SLC25A18: variants seen among roughly 807,000 people sequenced by gnomAD.
The protein encoded by SLC25A18 is mitochondrial glutamate carrier 2.
In SLC25A18, 24 loss-of-function variants were observed where a neutral mutation model predicts 31.1. The observed-to-expected ratio is 0.77, with a 90% CI of 0.56 to 1.08. The LOEUF (loss-of-function observed/expected upper bound fraction) is 1.08, where lower values mean the gene tolerates loss of function less well. SLC25A18 is among the 50% of genes least tolerant of loss of function. SLC25A18 has a pLI of 0.00. For missense variants in SLC25A18, 371 were observed against 418.5 expected (o/e 0.89, Z 0.99); for synonymous variants, 173 against 161.9 (o/e 1.07, Z -0.52).
At chr22:17,582,766 G>A in intron 6 of SLC25A18, 113 bp downstream of exon 6, 2 of 882,342 alleles carry the variant, frequency 2.3e-6, no homozygotes, top group Non-Finnish European at 3.6e-6. Flanking sequence ...ATATAAATAT[G>A]TGCACACATG....
intron 4 of SLC25A18, 36 bp from the exon 5 acceptor site, chr22:17,581,322 C>T (rs2057367560): frequency 1.9e-6 from 3 of 1,612,962 alleles, no homozygotes; most frequent in Middle Eastern, 1.7e-4. Flanking sequence ...GGGAGGCCCG[C>T]TGCACACTTA....
chr22:17,581,749 GC>G (rs1344788399), intron 5 of SLC25A18: 1 of 308,372 alleles, frequency 3.2e-6, no homozygotes, highest in Non-Finnish European at 6.0e-6. Flanking sequence ...GTTCTGGGTG[GC>G]TCCTCCCCAG....
At chr22:17,580,558 C>G (rs1207764087) in intron 3 of SLC25A18, 7 of 990,016 alleles carry the variant, frequency 7.1e-6, no homozygotes, top group Non-Finnish European at 7.2e-6. Flanking sequence ...GCATTCCCCC[C>G]CAGGCACGGT....
Position 17,590,420 on chromosome 22 carries a change from C to A in SLC25A18, c.*184C>A, listed in dbSNP as rs541208483. 1 of 641,544 alleles carries A rather than the reference C, an allele frequency of 1.6e-6. No homozygotes were observed. Among genetic ancestry groups the A allele is most frequent in the South Asian group, 2.8e-5 (1 of 35,910 alleles). The allele number at this position is 641,544 out of a possible 1,614,324, so 39.7% of individuals were successfully genotyped here. A position where few individuals can be genotyped will look rare whatever the true frequency, so the allele number is the denominator to read the frequency against. On this transcript the variant is annotated 3_prime_UTR_variant, in exon 11 of 11. Coordinates refer to ENST00000327451, the MANE Select transcript of SLC25A18 (RefSeq NM_031481.3). ...AGTTGAGCACAGCCTTCTTCCCCTT[C>A]GTGTCTACACTCGTTTTCCTTTGTG...
chr22:17,564,885 A>G (rs1190257468), intron 1 of SLC25A18, among the ~76,000 whole-genome samples: 3 of 131,756 alleles, frequency 2.3e-5, no homozygotes, highest in South Asian at 5.1e-4. Flanking sequence ...CCCAGGCAAC[A>G]TAATGAGGCC....
At chr22:17,586,001 T>C (rs2057539925) in intron 7 of SLC25A18, among the ~76,000 whole-genome samples, 1 of 152,102 alleles carries the variant, frequency 6.6e-6, no homozygotes, top group African/African-American at 2.4e-5. Context: ...ATGAGTAATA[T>C]TGAACTTATC....
At chr22:17,568,748 A>T (rs1446207738) in intron 1 of SLC25A18, among the ~76,000 whole-genome samples, 1 of 150,976 alleles carries the variant, frequency 6.6e-6, no homozygotes, top group Non-Finnish European at 1.5e-5. Context: ...TTTTTAGTAG[A>T]AACAGGGTTT....
rs770975904 is a variant in SLC25A18 at position 17,590,205 on chromosome 22, T to A, written c.917T>A (p.Ile306Asn). 6.2e-7 allele frequency: 1 copy of A among 1,614,212 alleles called. No homozygotes were observed. Among genetic ancestry groups the A allele is most frequent in the Middle Eastern group, 1.6e-4 (1 of 6,062 alleles). Residue 306 changes from isoleucine to asparagine, a missense_variant, in exon 11 of 11, where the codon ATT (isoleucine) becomes AAT (asparagine). Ile to Asn is a moderately radical substitution (Grantham distance 149, BLOSUM62 -3). Coordinates refer to ENST00000327451, the MANE Select transcript of SLC25A18 (RefSeq NM_031481.3). The stretch of plus-strand genomic sequence containing the variant: ...GCTCAAGGGGTCTATTTTATTGGGA[T>A]TGGAGAGCGCATCTTAAAGTGTTTT... ...GIAQGVYFIG[I>N]GERILKCFD
At chr22:17,569,013 T>A (rs1008777579) in intron 1 of SLC25A18, among the ~76,000 whole-genome samples, 2 of 138,150 alleles carry the variant, frequency 1.4e-5, no homozygotes, top group South Asian at 2.3e-4. Context: ...TCTTCTTTAC[T>A]TTTTTTTTTT....
intron 1 of SLC25A18, among the ~76,000 whole-genome samples, chr22:17,568,647 T>C (rs1325524534): frequency 1.5e-5 from 2 of 135,438 alleles, no homozygotes; most frequent in Non-Finnish European, 3.1e-5. Context: ...CTGCAAGCTC[T>C]GCGTCCCGGA....
chr22:17,573,013 TGA>T (rs1278775370), intron 2 of SLC25A18, among the ~76,000 whole-genome samples: 1 of 152,056 alleles, frequency 6.6e-6, no homozygotes, highest in Non-Finnish European at 1.5e-5. Context: ...CCCAGGAGGC[TGA>T]GGCGGGAGGA....
At chr22:17,565,567 A>C (rs966158486) in intron 1 of SLC25A18, among the ~76,000 whole-genome samples, 1 of 151,580 alleles carries the variant, frequency 6.6e-6, no homozygotes, top group Non-Finnish European at 1.5e-5. Context: ...TTTTTGAGTA[A>C]TTTTTTAAAA....
At chr22:17,580,412 A>T in intron 3 of SLC25A18, 1 of 470,794 alleles carries the variant, frequency 2.1e-6, no homozygotes, top group Non-Finnish European at 2.8e-6. Flanking sequence ...CAAAGCTCCT[A>T]TACCCAGCAG....
intron 8 of SLC25A18, 82 bp downstream of exon 8, chr22:17,587,383 CTG>C: frequency 6.8e-7 from 1 of 1,477,550 alleles, no homozygotes; most frequent in Non-Finnish European, 9.0e-7. Context: ...CTATCTGCCT[CTG>C]TGTCCTTCCC....
chr22:17,577,288 C>T (rs112510258), intron 2 of SLC25A18, among the ~76,000 whole-genome samples: 6 of 152,114 alleles, frequency 3.9e-5, no homozygotes, highest in African/African-American at 1.4e-4. Context: ...TCCCAAAGTG[C>T]TGGGATTATA....
intron 1 of SLC25A18, among the ~76,000 whole-genome samples, chr22:17,566,138 C>T (rs576794877): frequency 1.3e-5 from 2 of 152,296 alleles, no homozygotes; most frequent in Non-Finnish European, 2.9e-5. Context: ...GGGTGTGACA[C>T]GGCACTGCAC....
intron 3 of SLC25A18, chr22:17,580,677 T>G: frequency 9.6e-7 from 1 of 1,037,150 alleles, no homozygotes; most frequent in Non-Finnish European, 1.2e-6. Context: ...TCAGTCCGTT[T>G]GTGTGAGAAC....
Position 17,590,155 on chromosome 22 carries a change from G to A in SLC25A18, c.867G>A (p.Leu289=). ...AFMKGAGCRA[L]VIAPLFGIAQ... ...TGAAAGGCGCTGGCTGCCGGGCACT[G>A]GTCATAGCACCTCTCTTTGGGATTG... The change falls in exon 11 of 11, where the codon CTG becomes CTA. Residue 289 remains leucine (L), a synonymous_variant. Coordinates refer to ENST00000327451, the MANE Select transcript of SLC25A18 (RefSeq NM_031481.3). 6.2e-7 allele frequency: 1 copy of A among 1,614,216 alleles called. No homozygotes were observed. The highest frequency in any genetic ancestry group is 1.1e-5 in the South Asian group (1 of 91,076).
rs980129430 is a variant in SLC25A18 at position 17,577,401 on chromosome 22, G to A, written c.-200-2344G>A. Among the ~76,000 whole-genome samples, 8 of 150,382 alleles carry A rather than the reference G, an allele frequency of 5.3e-5. No homozygotes were observed. The East Asian group carries it at 6.1e-4, about 11-fold the overall frequency. ...TCAAACTCCTGACGTCAGGTGATCCGCCCGCCTCAGCCTCCCAAAGTGCTG... is the reference window on the plus strand; with the variant it reads ...TCAAACTCCTGACGTCAGGTGATCCACCCGCCTCAGCCTCCCAAAGTGCTG... On this transcript the variant is annotated intron_variant, in intron 2 of 10. Coordinates refer to ENST00000327451, the MANE Select transcript of SLC25A18 (RefSeq NM_031481.3).
Sources: allele counts gnomAD v4.1 joint callset (sites outside exome capture counted in the v4.1 genomes callset), GRCh38; gene constraint gnomAD v4.1.1; transcripts MANE v1.5; gene names NCBI Gene and HGNC (gene_info 2026-07-23, HGNC 2026-07-21).